The following PRORP variants were observed in gnomAD, a reference collection of about 807,000 sequenced individuals.
PRORP encodes mitochondrial ribonuclease P catalytic subunit.
In PRORP, 51 loss-of-function variants were observed where a neutral mutation model predicts 59.4. That is an observed-to-expected ratio of 0.86 (90% CI 0.69 to 1.08). The LOEUF is 1.08. Ranked by LOEUF, PRORP falls within the 50% of genes least tolerant of loss-of-function variation. PRORP has a pLI of 0.00. For missense variants in PRORP, 646 were observed against 690.3 expected (o/e 0.94, Z 0.72); for synonymous variants, 231 against 245.6 (o/e 0.94, Z 0.55).
At chr14:35,211,903 T>C (rs1437241011) in intron 5 of PRORP, among the ~76,000 whole-genome samples, 1 of 152,208 alleles carries the variant, frequency 6.6e-6, no homozygotes, top group Non-Finnish European at 1.5e-5. Flanking sequence ...TTTGATAGCA[T>C]TTTACCCATA....
chr14:35,253,956 G>C lies in PRORP; in HGVS notation c.1276-12771G>C, dbSNP rs569552304. Among the ~76,000 whole-genome samples, 6 of 151,122 alleles carry C rather than the reference G, an allele frequency of 4.0e-5. No individual in the cohort carries two copies. The East Asian group carries it at 1.2e-3, about 29-fold the overall frequency. On this transcript the variant is annotated intron_variant, in intron 5 of 7. Coordinates refer to ENST00000534898, the MANE Select transcript of PRORP (RefSeq NM_014672.4). ...GCTCATCTACTCTCTGATGGCACCT[G>C]CCATTGCATGTTCCCTGAATGACTC...
chr14:35,151,113 C>A (rs985007264), intron 4 of PRORP, among the ~76,000 whole-genome samples: 1 of 152,054 alleles, frequency 6.6e-6, no homozygotes, highest in Non-Finnish European at 1.5e-5. Context: ...TAATCATCTA[C>A]TAAGTGAATT....
intron 5 of PRORP, among the ~76,000 whole-genome samples, chr14:35,233,653 A>G (rs1222857175): frequency 2.9e-5 from 4 of 137,154 alleles, no homozygotes; most frequent in Non-Finnish European, 6.3e-5. Context: ...TACCTTCTAC[A>G]GTATTGAAGG....
intron 5 of PRORP, among the ~76,000 whole-genome samples, chr14:35,255,981 TACA>T (rs1415453422): frequency 6.6e-6 from 1 of 152,030 alleles, no homozygotes; most frequent in Non-Finnish European, 1.5e-5. Flanking sequence ...AAATATATTT[TACA>T]ACAAGAAAAG....
chr14:35,218,229 G>C (rs1261246973), intron 5 of PRORP, among the ~76,000 whole-genome samples: 1 of 151,996 alleles, frequency 6.6e-6, no homozygotes, highest in Non-Finnish European at 1.5e-5. Context: ...GGAAGCCGAG[G>C]TGGGAGGATC....
At chr14:35,259,898 A>G (rs2050855209) in intron 5 of PRORP, among the ~76,000 whole-genome samples, 1 of 152,120 alleles carries the variant, frequency 6.6e-6, no homozygotes, top group Admixed American at 6.6e-5. Context: ...GTCTCAAAAA[A>G]TAAATAAAAT....
At chr14:35,236,753 A>G (rs922683925) in intron 5 of PRORP, among the ~76,000 whole-genome samples, 1 of 151,306 alleles carries the variant, frequency 6.6e-6, no homozygotes, top group African/African-American at 2.4e-5. Flanking sequence ...CTGATGTTCT[A>G]TCTCTGCATC....
chr14:35,226,186 T>A (rs2049929647), intron 5 of PRORP, among the ~76,000 whole-genome samples: 2 of 152,230 alleles, frequency 1.3e-5, no homozygotes, highest in African/African-American at 4.8e-5. Flanking sequence ...AGCTTTCAAA[T>A]ACAAACATTC....
intron 5 of PRORP, among the ~76,000 whole-genome samples, chr14:35,205,600 G>A (rs1271265035): frequency 3.3e-5 from 5 of 151,942 alleles, no homozygotes; most frequent in Non-Finnish European, 5.9e-5. Flanking sequence ...GAGATTAAAG[G>A]CATGACCCAC....
intron 4 of PRORP, among the ~76,000 whole-genome samples, chr14:35,178,975 C>G (rs7157164): frequency 0.59 from 89,331 of 151,934 alleles, 26,405 homozygotes; most frequent in East Asian, 0.69. Context: ...GTCTGTAAAG[C>G]ATTTTATTTC....
In PRORP at chr14:35,256,326, C is replaced by CTTTTT. The variant is rs1178856754; in HGVS notation, c.1276-10382_1276-10378dup. Among the ~76,000 whole-genome samples the CTTTTT allele has an allele frequency of 1.6e-3, 131 of 82,806 alleles. 10 individuals are homozygous for CTTTTT. The highest frequency in any genetic ancestry group is 6.6e-3 in the African/African-American group (121 of 18,366). 54.3% of individuals were successfully genotyped at this position (82,806 alleles called of 152,430 possible). On this transcript the variant is annotated intron_variant, in intron 5 of 7. Coordinates refer to ENST00000534898, the MANE Select transcript of PRORP (RefSeq NM_014672.4). ...AAAAGAAAAAAGAAATTGTGCGTAT[C>CTTTTT]TTTTTTTTTTTTTTTTTTTTTTTAA...
chr14:35,122,723 T>TC, intron 1 of PRORP, 88 bp downstream of exon 1: 1 of 156,530 alleles, frequency 6.4e-6, no homozygotes. Context: ...TCCCTCCTCG[T>TC]CCCCCCACCG....
At chr14:35,261,566 T>C (rs1258579555) in intron 5 of PRORP, among the ~76,000 whole-genome samples, 1 of 152,124 alleles carries the variant, frequency 6.6e-6, no homozygotes, top group East Asian at 1.9e-4. Flanking sequence ...CTGTCTCTAC[T>C]GAAAATACAA....
At chr14:35,179,271 A>C (rs1365589465) in intron 4 of PRORP, among the ~76,000 whole-genome samples, 1 of 152,092 alleles carries the variant, frequency 6.6e-6, no homozygotes, top group Non-Finnish European at 1.5e-5. Context: ...GTATTTCCTG[A>C]ATTTGAATGG....
In PRORP at chr14:35,123,787, A is replaced by G. The variant is rs569436113; in HGVS notation, c.542A>G (p.Tyr181Cys). The G allele has an allele frequency of 1.2e-5, 19 of 1,614,066 alleles. No homozygotes were observed. Among genetic ancestry groups the G allele is most frequent in the Non-Finnish European group, 1.6e-5 (19 of 1,180,028 alleles). ...GIVSYDLLVK[Y>C]LYLCVFHMQT... Reference sequence around the variant, plus strand: ...GTAAGTTACGATTTACTGGTCAAGTATTTGTATCTCTGTGTCTTTCATATG... The same window carrying G: ...GTAAGTTACGATTTACTGGTCAAGTGTTTGTATCTCTGTGTCTTTCATATG... Residue 181 changes from tyrosine (Y) to cysteine (C), a missense_variant, in exon 2 of 8, where the codon TAT (tyrosine) becomes TGT (cysteine). Transcript: ENST00000534898.
rs891956895 is a variant in PRORP, at chr14:35,122,591, C to T, written c.-339C>T. ...TTATGGCCGCGTTAAGTCTGAGTGCCGCTTTGAGTTGTTGAATGAAGTGAA... is the reference window on the plus strand; with the variant it reads ...TTATGGCCGCGTTAAGTCTGAGTGCTGCTTTGAGTTGTTGAATGAAGTGAA... On this transcript the variant is annotated 5_prime_UTR_variant, in exon 1 of 8. Coordinates refer to ENST00000534898, the MANE Select transcript of PRORP (RefSeq NM_014672.4). 6.5e-6 allele frequency: 1 copy of T among 153,722 alleles called. No homozygotes were observed. The allele number at this position is 153,722 out of a possible 1,614,324, so 9.5% of individuals were successfully genotyped here.
intron 5 of PRORP, among the ~76,000 whole-genome samples, chr14:35,229,015 TG>T (rs2050007075): frequency 6.6e-6 from 1 of 152,212 alleles, no homozygotes; most frequent in Admixed American, 6.5e-5. Flanking sequence ...GATCTCATTA[TG>T]GTTTTGATTT....
At chr14:35,272,043 A>G (rs534603746) in intron 7 of PRORP, among the ~76,000 whole-genome samples, 1 of 150,918 alleles carries the variant, frequency 6.6e-6, no homozygotes, top group Non-Finnish European at 1.5e-5. Context: ...ACAAAAAAAA[A>G]CAACAAAAAA....
chr14:35,250,225 C>T (rs1304867830), intron 5 of PRORP, among the ~76,000 whole-genome samples: 2 of 150,396 alleles, frequency 1.3e-5, no homozygotes, highest in Admixed American at 6.6e-5. Flanking sequence ...GAGCGAGACT[C>T]GGTCTCAAAA....
Sources: gnomAD v4.1 joint callset for allele counts (sites outside exome capture counted in the v4.1 genomes callset) on GRCh38, gnomAD v4.1.1 for gene constraint, MANE v1.5 for transcripts, NCBI Gene and HGNC (gene_info 2026-07-23, HGNC 2026-07-21) for gene names.